NAPEPLD: variants seen among roughly 807,000 people sequenced by gnomAD.
NAPEPLD encodes the protein N-acyl-phosphatidylethanolamine-hydrolyzing phospholipase D.
NAPEPLD carries 23 observed loss-of-function variants against 38.1 expected under a neutral mutation model. The ratio of observed to expected loss-of-function variants is 0.60; its 90% CI spans 0.43 to 0.86. The LOEUF is 0.86. Ranked by LOEUF, NAPEPLD falls within the 40% of genes least tolerant of loss-of-function variation. The pLI, the probability that NAPEPLD is intolerant of heterozygous loss-of-function variation, is 0.00. For synonymous variants in NAPEPLD, 147 were observed against 162.0 expected (o/e 0.91, Z 0.71); for missense variants, 411 against 476.8 (o/e 0.86, Z 1.28).
At chr7:103,132,915 A>G (rs964922150) in intron 1 of NAPEPLD, among the ~76,000 whole-genome samples, 2 of 152,180 alleles carry the variant, frequency 1.3e-5, no homozygotes, top group Non-Finnish European at 2.9e-5. Context: ...CTCACCTCCC[A>G]TCCACTCAGT....
At chr7:103,113,573 T>TTTTTTTTTTTTAAAGACAGAGTCTCAC (rs1491365251) in intron 4 of NAPEPLD, among the ~76,000 whole-genome samples, 1 of 7,338 alleles carries the variant, frequency 1.4e-4, no homozygotes, top group Non-Finnish European at 0.056. Context: ...CTAACCACAC[T>TTTTTTTTTTTTAAAGACAGAGTCTCAC]TTTTTTTTTT....
chr7:103,139,278 C>T (rs1810719396), intron 1 of NAPEPLD, among the ~76,000 whole-genome samples: 1 of 152,114 alleles, frequency 6.6e-6, no homozygotes, highest in Non-Finnish European at 1.5e-5. Flanking sequence ...CCTAGCTCTC[C>T]AGTTGCTGTG....
At chr7:103,124,713 C>G (rs1488017599) in intron 2 of NAPEPLD, among the ~76,000 whole-genome samples, 1 of 152,168 alleles carries the variant, frequency 6.6e-6, no homozygotes, top group Non-Finnish European at 1.5e-5. Flanking sequence ...AATAGCTACT[C>G]TTTGCAAGGT....
rs930883027 is a variant in NAPEPLD at position 103,099,785 on chromosome 7, C to G, written c.*3644G>C. On this transcript the variant is annotated 3_prime_UTR_variant, in exon 5 of 5. Transcript: ENST00000465647. ...CTTACAAGGTTATACATATTTTTTC[C>G]CTTGACAGTACTTTATTAATTTTCA... is the stretch of plus-strand genomic sequence containing the variant. The G allele has an allele frequency of 6.0e-5, 9 of 150,994 alleles. No individual in the cohort carries two copies. The highest frequency in any genetic ancestry group is 2.2e-4 in the African/African-American group (9 of 41,134). 9.4% of individuals were successfully genotyped at this position (150,994 alleles called of 1,614,324 possible).
chr7:103,128,702 T>G lies in NAPEPLD; in HGVS notation c.75A>C (p.Gln25His). 1.2e-6 allele frequency: 2 copies of G among 1,614,228 alleles called. No individual in the cohort carries two copies. The highest frequency in any genetic ancestry group is 1.7e-6 in the Non-Finnish European group (2 of 1,180,044). ...QYPKEAVRKRQNSARNSGASD... is the reference protein window; with the variant it reads ...QYPKEAVRKRHNSARNSGASD... ...TTGCTCCGGAATTCCGTGCTGAATT[T>G]TGACGTTTTCTTACTGCTTCTTTAG... The change falls in exon 2 of 5, where the codon CAA (glutamine) becomes CAC (histidine). Residue 25 changes from glutamine (Q) to histidine (H), a missense_variant. Gln to His is a conservative substitution (Grantham distance 24, BLOSUM62 0). Coordinates refer to ENST00000465647, the MANE Select transcript of NAPEPLD (RefSeq NM_001122838.3).
At chr7:103,123,984 C>T (rs1216888890) in intron 2 of NAPEPLD, among the ~76,000 whole-genome samples, 2 of 152,072 alleles carry the variant, frequency 1.3e-5, no homozygotes, top group Non-Finnish European at 2.9e-5. Flanking sequence ...TATGTGAAGC[C>T]TATATCATGT....
At chr7:103,149,362 G>A, upstream of NAPEPLD, 2 of 1,159,754 alleles carry the variant, frequency 1.7e-6, no homozygotes, top group South Asian at 1.6e-5. Flanking sequence ...GCGCCGCCGC[G>A]TAGCGGGAGG....
At chr7:103,137,831 A>AAAAAAG (rs1563369023) in intron 1 of NAPEPLD, among the ~76,000 whole-genome samples, 5 of 150,652 alleles carry the variant, frequency 3.3e-5, no homozygotes, top group African/African-American at 1.2e-4. Flanking sequence ...AAAAAAAAAA[A>AAAAAAG]AAAAAGAAAA....
intron 2 of NAPEPLD, among the ~76,000 whole-genome samples, chr7:103,125,146 A>G (rs1807498594): frequency 6.6e-6 from 1 of 152,232 alleles, no homozygotes; most frequent in Non-Finnish European, 1.5e-5. Flanking sequence ...TTTACTACCT[A>G]TACTGTAATC....
At chr7:103,128,334 C>A in intron 2 of NAPEPLD, 149 bp downstream of exon 2, 1 of 892,610 alleles carries the variant, frequency 1.1e-6, no homozygotes, top group Admixed American at 2.8e-5. Flanking sequence ...TACTCTGCTA[C>A]TGAACGATGA....
intron 3 of NAPEPLD, among the ~76,000 whole-genome samples, chr7:103,116,572 T>C (rs2129528288): frequency 6.6e-6 from 1 of 152,264 alleles, no homozygotes; most frequent in Non-Finnish European, 1.5e-5. Flanking sequence ...AAACAAAAAC[T>C]AGTACATAAA....
chr7:103,105,342 C>T (rs1226993902), intron 4 of NAPEPLD, among the ~76,000 whole-genome samples: 2 of 151,890 alleles, frequency 1.3e-5, no homozygotes, highest in Non-Finnish European at 2.9e-5. Context: ...ACACACAACT[C>T]GTAAATTCCT....
At chr7:103,126,782 A>ATTTTTTTTTT (rs61285914) in intron 2 of NAPEPLD, 29 of 78,764 alleles carry the variant, frequency 3.7e-4, no homozygotes, top group African/African-American at 1.4e-3. Context: ...AATTTTTTGT[A>ATTTTTTTTTT]TTTTTTTTTT....
upstream of NAPEPLD, chr7:103,149,272 G>T (rs1813253391): frequency 3.9e-6 from 4 of 1,038,694 alleles, no homozygotes; most frequent in Non-Finnish European, 4.6e-6. Flanking sequence ...CGGGGGTGCG[G>T]ACTCACCTCG....
At position 103,120,963 on chromosome 7, in the gene NAPEPLD, T is replaced by G. The variant is rs200174294; in HGVS notation, c.295-740A>C. Among the ~76,000 whole-genome samples, 41 of 152,196 alleles carry G rather than the reference T, an allele frequency of 2.7e-4. No individual in the cohort carries two copies. In the East Asian group the frequency reaches 7.6e-3, roughly 28 times the overall value. On this transcript the variant is annotated intron_variant, in intron 2 of 4. Coordinates refer to ENST00000465647, the MANE Select transcript of NAPEPLD (RefSeq NM_001122838.3). ...CTGGGCTCAAGCAATCATCCTGTCT[T>G]GCCCTCCCAAAGTGCTGGTATTATA...
chr7:103,137,033 A>G (rs1810215870), intron 1 of NAPEPLD, among the ~76,000 whole-genome samples: 1 of 152,156 alleles, frequency 6.6e-6, no homozygotes, highest in African/African-American at 2.4e-5. Flanking sequence ...TCCACCTCCC[A>G]GATTCAAGTG....
intron 4 of NAPEPLD, among the ~76,000 whole-genome samples, chr7:103,105,237 T>C (rs1057141538): frequency 6.6e-6 from 1 of 151,976 alleles, no homozygotes; most frequent in Admixed American, 6.6e-5. Context: ...CAACTACATA[T>C]AAAGCAAAAC....
Position 103,148,852 on chromosome 7 carries a change from G to A in NAPEPLD, c.-58C>T. The A allele has an allele frequency of 1.0e-6, 1 of 985,190 alleles. No individual in the cohort carries two copies. The allele number at this position is 985,190 out of a possible 1,614,324, so 61.0% of individuals were successfully genotyped here. On this transcript the variant is annotated 5_prime_UTR_variant, in exon 1 of 5. Coordinates refer to ENST00000465647, the MANE Select transcript of NAPEPLD (RefSeq NM_001122838.3). The stretch of plus-strand genomic sequence containing the variant: ...GAAGATGCAACCTGGTAATTTGCAG[G>A]GAAGATAGGATCTCAAATCCCAGAC...
At chr7:103,104,132 A>G (rs1195093663) in intron 4 of NAPEPLD, among the ~76,000 whole-genome samples, 1 of 152,196 alleles carries the variant, frequency 6.6e-6, no homozygotes, top group African/African-American at 2.4e-5. Flanking sequence ...GAATTGCTAA[A>G]TGGGAGTCAC....
Sources: gnomAD v4.1 joint callset for allele counts (sites outside exome capture counted in the v4.1 genomes callset) on GRCh38, gnomAD v4.1.1 for gene constraint, MANE v1.5 for transcripts, NCBI Gene and HGNC (gene_info 2026-07-23, HGNC 2026-07-21) for gene names.